Variants in GALNT11 observed in about 807,000 individuals in gnomAD.
The protein encoded by GALNT11 is polypeptide N-acetylgalactosaminyltransferase 11, also known as UDP-GalNAc:polypeptide N-acetylgalactosaminyltransferase 11.
In GALNT11, 47 loss-of-function variants were observed where a neutral mutation model predicts 72.7. The ratio of observed to expected loss-of-function variants is 0.65; its 90% CI spans 0.51 to 0.82. The LOEUF is 0.82. Ranked by LOEUF, GALNT11 falls within the 40% of genes least tolerant of loss-of-function variation. The probability of loss-of-function intolerance (pLI) is 0.00; values close to 1 mark genes in which losing one functional copy is unlikely to be tolerated. For synonymous variants in GALNT11, 270 were observed against 286.6 expected (o/e 0.94, Z 0.58); for missense variants, 677 against 778.4 (o/e 0.87, Z 1.55).
At chr7:152,062,695 A>G (rs1203038154) in intron 1 of GALNT11, among the ~76,000 whole-genome samples, 1 of 152,116 alleles carries the variant, frequency 6.6e-6, no homozygotes, top group Non-Finnish European at 1.5e-5. Flanking sequence ...AATTTTGTCA[A>G]AGGCCTTTTC....
chr7:152,031,334 T>C (rs902496974), intron 1 of GALNT11, among the ~76,000 whole-genome samples: 1 of 152,228 alleles, frequency 6.6e-6, no homozygotes, highest in African/African-American at 2.4e-5. Context: ...CTATAATTTG[T>C]TGGCAGTCAT....
At chr7:152,104,990 G>T in intron 4 of GALNT11, 1 of 251,442 alleles carries the variant, frequency 4.0e-6, no homozygotes, top group East Asian at 8.0e-5. Flanking sequence ...CATTGTGCTC[G>T]ATGCTATGGA....
At chr7:152,043,704 C>T (rs947117424) in intron 1 of GALNT11, among the ~76,000 whole-genome samples, 5 of 152,050 alleles carry the variant, frequency 3.3e-5, no homozygotes, top group African/African-American at 7.2e-5. Context: ...AAGAAAGATC[C>T]GGAGGGTCAG....
chr7:152,065,422 G>A (rs756849419), intron 1 of GALNT11, among the ~76,000 whole-genome samples: 16 of 151,994 alleles, frequency 1.1e-4, no homozygotes, highest in Admixed American at 2.0e-4. Context: ...TAGTTTGATC[G>A]TCTGAACCCT....
intron 1 of GALNT11, among the ~76,000 whole-genome samples, chr7:152,090,829 T>C (rs886484732): frequency 3.9e-5 from 6 of 152,128 alleles, no homozygotes; most frequent in Admixed American, 6.6e-5. Context: ...CCTCAGCACT[T>C]ATCACTTTCT....
At chr7:152,108,408 G>A (rs748845128) in intron 6 of GALNT11, 121 bp downstream of exon 6, 103 of 1,432,614 alleles carry the variant, frequency 7.2e-5, no homozygotes, top group Non-Finnish European at 8.6e-5. Flanking sequence ...TAATTTGTAC[G>A]TTAAAAATTC....
chr7:152,094,043 T>G lies in GALNT11; in HGVS notation c.-38-147T>G. On this transcript the variant is annotated intron_variant, in intron 1 of 11. Transcript: ENST00000430044. The surrounding 1 kb of genome is among the most constrained non-coding windows in gnomAD (Gnocchi z 4.3). The stretch of plus-strand genomic sequence containing the variant: ...TGTTGAACCCTTTTTAAAAACTCAG[T>G]ACTATCCATACATCTTCTTGTATTT... The G allele has an allele frequency of 1.5e-6, 1 of 668,182 alleles. No homozygotes were observed. Among genetic ancestry groups the G allele is most frequent in the Middle Eastern group, 4.1e-4 (1 of 2,468 alleles). The allele number at this position is 668,182 out of a possible 1,614,324, so 41.4% of individuals were successfully genotyped here. A position where few individuals can be genotyped will look rare whatever the true frequency, so the allele number is the denominator to read the frequency against.
chr7:152,032,597 A>G (rs983096974), intron 1 of GALNT11, among the ~76,000 whole-genome samples: 4 of 152,220 alleles, frequency 2.6e-5, no homozygotes, highest in African/African-American at 7.2e-5. Context: ...AATATCCTGT[A>G]ATCCTTTATG....
At chr7:152,080,293 T>TA (rs773351053) in intron 1 of GALNT11, among the ~76,000 whole-genome samples, 14 of 152,228 alleles carry the variant, frequency 9.2e-5, no homozygotes, top group Admixed American at 3.3e-4. Context: ...AATAATATGG[T>TA]ATCCTATTTC....
chr7:152,029,949 GACA>G (rs2082226302), intron 1 of GALNT11, among the ~76,000 whole-genome samples: 1 of 152,238 alleles, frequency 6.6e-6, no homozygotes, highest in Non-Finnish European at 1.5e-5. Flanking sequence ...TGTTTACACT[GACA>G]ACAAGGTGGT....
rs747743692 is a variant in GALNT11, at chr7:152,117,345, A to C, written c.1422A>C (p.Pro474=). 8 of 1,614,196 alleles carry C rather than the reference A, an allele frequency of 5.0e-6. No homozygotes were observed. In the South Asian group the frequency reaches 6.6e-5, roughly 13 times the overall value. ...AACCCATTTTTGTCAATAGAGGGCC[A>C]AAACGACCCAAAGTCCTTCAACGTG... ...PQQPIFVNRG[P]KRPKVLQRGR... is the part of the protein sequence containing the mutation. The change falls in exon 9 of 12, where the codon CCA becomes CCC. Residue 474 remains proline (P), a synonymous_variant. Transcript: ENST00000430044.
intron 1 of GALNT11, among the ~76,000 whole-genome samples, chr7:152,038,592 A>AGATTTTGG (rs2082699781): frequency 6.6e-6 from 1 of 152,208 alleles, no homozygotes; most frequent in Admixed American, 6.5e-5. Context: ...GTTTATGGCC[A>AGATTTTGG]GATTTTGGGG....
intron 1 of GALNT11, among the ~76,000 whole-genome samples, chr7:152,061,179 G>A (rs1300592201): frequency 6.6e-6 from 1 of 152,196 alleles, no homozygotes; most frequent in South Asian, 2.1e-4. Flanking sequence ...ATTGGTGTGA[G>A]ATGGTATCTC....
intron 1 of GALNT11, among the ~76,000 whole-genome samples, chr7:152,041,437 G>A (rs928688560): frequency 4.6e-5 from 7 of 152,152 alleles, no homozygotes; most frequent in African/African-American, 7.2e-5. Context: ...TTAACAATCC[G>A]AGTTCTGCCA....
chr7:152,041,591 A>T (rs2082861844), intron 1 of GALNT11, among the ~76,000 whole-genome samples: 1 of 152,242 alleles, frequency 6.6e-6, no homozygotes, highest in Non-Finnish European at 1.5e-5. Context: ...TGGAAAAATT[A>T]GCAAATCTAG....
chr7:152,043,802 A>G (rs116935246), intron 1 of GALNT11, among the ~76,000 whole-genome samples: 2,389 of 152,282 alleles, frequency 0.016, 22 homozygotes, highest in Non-Finnish European at 0.025. Context: ...TTAGCTGGCA[A>G]ACAAACCTGC....
chr7:152,114,892 G>A (rs1172098248), intron 8 of GALNT11, among the ~76,000 whole-genome samples: 1 of 152,214 alleles, frequency 6.6e-6, no homozygotes, highest in African/African-American at 2.4e-5. Flanking sequence ...GCCAGGCTCT[G>A]TGTTAGGTTT....
chr7:152,047,687 C>CGTGTGTGTGTGTGT (rs141152865), intron 1 of GALNT11, among the ~76,000 whole-genome samples: 69 of 147,130 alleles, frequency 4.7e-4, no homozygotes, highest in African/African-American at 1.7e-3. Context: ...ACAGTGACAC[C>CGTGTGTGTGTGTGT]GTGTGTGTGT....
chr7:152,074,946 C>T (rs887743008), intron 1 of GALNT11: 7 of 152,154 alleles, frequency 4.6e-5, no homozygotes, highest in African/African-American at 1.4e-4. Flanking sequence ...TTTTTTTCCC[C>T]TGGAGCAAAT....
Sources: gnomAD v4.1 joint callset for allele counts (sites outside exome capture counted in the v4.1 genomes callset) on GRCh38, gnomAD v4.1.1 for gene constraint, Gnocchi (gnomAD v3.1) non-coding constraint, MANE v1.5 for transcripts, NCBI Gene and HGNC (gene_info 2026-07-23, HGNC 2026-07-21) for gene names.